NEDD8: variants seen among roughly 807,000 people sequenced by gnomAD.
NEDD8 encodes the protein NEDD8 ubiquitin like modifier, also known as ubiquitin-like protein NEDD8.
NEDD8 carries 1 observed loss-of-function variant against 13.8 expected under a neutral mutation model. The observed-to-expected ratio is 0.07, with a 90% CI of 0.03 to 0.34. NEDD8 has a LOEUF of 0.34. Ranked by LOEUF, NEDD8 falls within the 10% of genes least tolerant of loss-of-function variation. The pLI is 0.99. For missense variants in NEDD8, 10 were observed against 95.2 expected (o/e 0.10, Z 3.73); for synonymous variants, 31 against 33.2 (o/e 0.93, Z 0.23).
chr14:24,225,900 G>C (rs1460620752), intron 1 of NEDD8, among the ~76,000 whole-genome samples: 1 of 152,038 alleles, frequency 6.6e-6, no homozygotes, highest in Non-Finnish European at 1.5e-5. Flanking sequence ...AATTAGCTGG[G>C]TGTGGTGGCA....
chr14:24,226,517 G>A (rs1305393711), intron 1 of NEDD8: 1 of 151,674 alleles, frequency 6.6e-6, no homozygotes, highest in African/African-American at 2.4e-5. Context: ...GTACTATATT[G>A]TCCAAACACA....
chr14:24,224,629 T>G (rs1300499327), intron 1 of NEDD8, among the ~76,000 whole-genome samples: 2 of 152,240 alleles, frequency 1.3e-5, no homozygotes. Flanking sequence ...GTTCAAATAT[T>G]CCAGCTAATA....
chr14:24,220,994 A>G (rs2039799211), intron 1 of NEDD8, among the ~76,000 whole-genome samples: 1 of 152,370 alleles, frequency 6.6e-6, no homozygotes, highest in African/African-American at 2.4e-5. Flanking sequence ...TAGTACTAGT[A>G]TGTTTCCAAA....
At chr14:24,220,482 ACT>A (rs2039787612) in intron 1 of NEDD8, among the ~76,000 whole-genome samples, 1 of 151,990 alleles carries the variant, frequency 6.6e-6, no homozygotes, top group Admixed American at 6.6e-5. Flanking sequence ...GCACCACCAC[ACT>A]CAGCTATTTT....
intron 3 of NEDD8, 55 bp downstream of exon 3, chr14:24,218,078 C>T: frequency 4.3e-6 from 7 of 1,611,298 alleles, no homozygotes; most frequent in Non-Finnish European, 5.9e-6. Context: ...TGCCCCCTCT[C>T]CTCTTCTCAT....
intron 3 of NEDD8, 74 bp downstream of exon 3, chr14:24,218,059 C>T: frequency 1.3e-6 from 2 of 1,593,240 alleles, no homozygotes; most frequent in Non-Finnish European, 1.7e-6. Flanking sequence ...CCTGATCCAC[C>T]TCAGTACGTG....
At chr14:24,225,996 G>T (rs1294175347) in intron 1 of NEDD8, among the ~76,000 whole-genome samples, 1 of 150,564 alleles carries the variant, frequency 6.6e-6, no homozygotes, top group Non-Finnish European at 1.5e-5. Flanking sequence ...CAGGGATCAC[G>T]CCACTGCACT....
chr14:24,222,030 T>G (rs2039818331), intron 1 of NEDD8, among the ~76,000 whole-genome samples: 2 of 152,250 alleles, frequency 1.3e-5, no homozygotes, highest in African/African-American at 4.8e-5. Flanking sequence ...GCTGGCCCTT[T>G]GTTTCTGAAA....
At chr14:24,219,751 C>T (rs2039771427) in intron 1 of NEDD8, among the ~76,000 whole-genome samples, 1 of 152,166 alleles carries the variant, frequency 6.6e-6, no homozygotes, top group Non-Finnish European at 1.5e-5. Flanking sequence ...ACACACCATG[C>T]TCATTCTAAT....
chr14:24,231,474 T>C (rs886731588), intron 1 of NEDD8, among the ~76,000 whole-genome samples: 7 of 143,668 alleles, frequency 4.9e-5, no homozygotes, highest in Non-Finnish European at 1.1e-4. Context: ...GTCAGCAGTT[T>C]TGTTTTTTTG....
intron 1 of NEDD8, among the ~76,000 whole-genome samples, chr14:24,224,458 C>T (rs2039858204): frequency 6.6e-6 from 1 of 152,198 alleles, no homozygotes; most frequent in African/African-American, 2.4e-5. Context: ...AGCCTCCTAA[C>T]TCACTGGGAT....
chr14:24,223,548 TTTA>T (rs1461609188), intron 1 of NEDD8, among the ~76,000 whole-genome samples: 1 of 151,806 alleles, frequency 6.6e-6, no homozygotes, highest in African/African-American at 2.4e-5. Context: ...TTTATATTTA[TTTA>T]TTTATTTATT....
intron 1 of NEDD8, chr14:24,231,992 C>T (rs2040042862): frequency 7.9e-6 from 4 of 503,322 alleles, no homozygotes; most frequent in Non-Finnish European, 1.0e-5. Context: ...CAAAAGCGAC[C>T]CCATTCTGGG....
At chr14:24,218,998 A>G (rs1351386456) in intron 1 of NEDD8, among the ~76,000 whole-genome samples, 6 of 152,070 alleles carry the variant, frequency 3.9e-5, no homozygotes. Context: ...CACCCGCCTC[A>G]GCCTCCCAAA....
intron 3 of NEDD8, chr14:24,217,761 C>G (rs935457760): frequency 5.4e-6 from 1 of 186,836 alleles, no homozygotes; most frequent in Non-Finnish European, 1.1e-5. Context: ...AACTTGTTAA[C>G]AATAGCAATT....
chr14:24,231,487 G>T lies in NEDD8; in HGVS notation c.18+763C>A, dbSNP rs375765433. 6.3e-3 allele frequency among the ~76,000 whole-genome samples: 901 copies of T among 142,346 alleles called. 6 individuals carry two copies. The highest frequency in any genetic ancestry group is 0.014 in the African/African-American group (505 of 35,946). 93.4% of individuals were successfully genotyped at this position (142,346 alleles called of 152,430 possible). A position where few individuals can be genotyped will look rare whatever the true frequency, so the allele number is the denominator to read the frequency against. On this transcript the variant is annotated intron_variant, in intron 1 of 3. Transcript: ENST00000250495. ...TTGTCAGCAGTTTTGTTTTTTTGAG[G>T]GGGGCGTGGGGGGGGGGGTCTCTGT...
intron 1 of NEDD8, chr14:24,231,625 G>C (rs10134804): frequency 0.99 from 151,528 of 152,318 alleles, 75,375 homozygotes; most frequent in Middle Eastern, 1. Context: ...ATGGCTAGTA[G>C]CAAGAACTAG....
intron 1 of NEDD8, among the ~76,000 whole-genome samples, chr14:24,231,397 G>C (rs1357638800): frequency 6.9e-6 from 1 of 145,920 alleles, no homozygotes; most frequent in Non-Finnish European, 1.5e-5. Context: ...AATATGCTAA[G>C]AAGCTGATGA....
At chr14:24,219,347 G>A (rs1026163043) in intron 1 of NEDD8, among the ~76,000 whole-genome samples, 1 of 151,506 alleles carries the variant, frequency 6.6e-6, no homozygotes, top group Non-Finnish European at 1.5e-5. Context: ...GCTGAGTACA[G>A]TGGTGCATGC....
Sources: gnomAD v4.1 joint callset for allele counts (sites outside exome capture counted in the v4.1 genomes callset) on GRCh38, gnomAD v4.1.1 for gene constraint, MANE v1.5 for transcripts, NCBI Gene and HGNC (gene_info 2026-07-23, HGNC 2026-07-21) for gene names.